Variants in CPQ observed in about 807,000 individuals in gnomAD.
CPQ encodes carboxypeptidase Q, also known as Ser-Met dipeptidase.
In CPQ, 37 loss-of-function variants were observed where a neutral mutation model predicts 45.7. That is an observed-to-expected ratio of 0.81 (90% confidence interval 0.62 to 1.07). The LOEUF is 1.07. Among genes scored for constraint, CPQ ranks in the 50% least tolerant of loss-of-function variants. The pLI is 0.00. For synonymous variants in CPQ, 186 were observed against 205.8 expected, an observed-to-expected ratio of 0.90 and a Z score of 0.82; for missense variants, 537 against 572.9, an observed-to-expected ratio of 0.94 and a Z score of 0.64.
At chr8:96,878,064 G>C (rs574433754) in intron 3 of CPQ, among the ~76,000 whole-genome samples, 2 of 152,108 alleles carry the variant, frequency 1.3e-5, no homozygotes, top group Non-Finnish European at 2.9e-5. Context: ...CTGGGTTCAA[G>C]TGATTCTCCT....
intron 6 of CPQ, among the ~76,000 whole-genome samples, chr8:97,051,164 C>T (rs915541586): frequency 1.3e-5 from 2 of 152,100 alleles, no homozygotes; most frequent in African/African-American, 4.8e-5. Flanking sequence ...ATAAAGCTAC[C>T]ATTTGCCCAA....
At chr8:96,872,722 A>G (rs1812088221) in intron 3 of CPQ, among the ~76,000 whole-genome samples, 1 of 151,886 alleles carries the variant, frequency 6.6e-6, no homozygotes, top group Non-Finnish European at 1.5e-5. Flanking sequence ...AAATTTTAAC[A>G]TACGGTAGAA....
rs184540388 is a variant in CPQ, at chr8:96,929,242, T to C, written c.850-36693T>C. 2.0e-5 allele frequency among the ~76,000 whole-genome samples: 3 copies of C among 152,286 alleles called. No individual in the cohort carries two copies. In the East Asian group the frequency reaches 5.8e-4, roughly 29 times the overall value. ...CCCTTTCAAAGGCAAAGGAATAGAA[T>C]GTATAACATTCCATTTTGTCAGCAT... On this transcript the variant is annotated intron_variant, in intron 4 of 7. Transcript: ENST00000220763.
chr8:96,900,693 C>G (rs758695964), intron 4 of CPQ, among the ~76,000 whole-genome samples: 1 of 152,100 alleles, frequency 6.6e-6, no homozygotes. Flanking sequence ...GAGCATTACT[C>G]TGACTCTTGG....
chr8:97,024,184 T>C (rs1295526211), intron 5 of CPQ, among the ~76,000 whole-genome samples: 1 of 152,140 alleles, frequency 6.6e-6, no homozygotes, highest in Non-Finnish European at 1.5e-5. Flanking sequence ...TTCCATGGCT[T>C]CCAGGACCTT....
chr8:96,872,943 TG>T (rs1188619197), intron 3 of CPQ, among the ~76,000 whole-genome samples: 1 of 151,916 alleles, frequency 6.6e-6, no homozygotes, highest in Non-Finnish European at 1.5e-5. Context: ...TATATTTTTA[TG>T]TTTAAGAGAA....
chr8:96,707,476 T>C (rs112380094), intron 1 of CPQ, among the ~76,000 whole-genome samples: 3,417 of 152,118 alleles, frequency 0.022, 144 homozygotes, highest in African/African-American at 0.078. Context: ...ATTTTTTTTT[T>C]CCTAACTCAT....
At chr8:96,967,936 CA>C (rs1242246892) in intron 5 of CPQ, among the ~76,000 whole-genome samples, 1 of 152,126 alleles carries the variant, frequency 6.6e-6, no homozygotes, top group Admixed American at 6.5e-5. Flanking sequence ...ATTAAATAAG[CA>C]GAGTATACTT....
chr8:96,726,434 T>G (rs1327301553), intron 1 of CPQ, among the ~76,000 whole-genome samples: 3 of 152,066 alleles, frequency 2.0e-5, no homozygotes. Context: ...TTCTGAAGGC[T>G]CTACAGGAGG....
At chr8:97,055,325 T>C (rs1810435437) in intron 6 of CPQ, among the ~76,000 whole-genome samples, 1 of 152,216 alleles carries the variant, frequency 6.6e-6, no homozygotes. Context: ...AAGCCATTGG[T>C]TGCACCACCT....
chr8:96,956,642 CA>C lies in CPQ; in HGVS notation c.850-9292del, dbSNP rs1813362398. On this transcript the variant is annotated intron_variant, in intron 4 of 7. Transcript: ENST00000220763. ...TTATATTAGATACAAAACTAGTTAA[CA>C]TGTCTAGTCTGGCATTTTTCCTCCA... Among the ~76,000 whole-genome samples, 2 of 152,054 alleles carry C rather than the reference CA, an allele frequency of 1.3e-5. 1 individual carries two copies. Among genetic ancestry groups the C allele is most frequent in the South Asian group, 4.1e-4 (2 of 4,826 alleles).
intron 1 of CPQ, among the ~76,000 whole-genome samples, chr8:96,676,993 A>G (rs956134736): frequency 5.3e-5 from 8 of 152,070 alleles, no homozygotes; most frequent in African/African-American, 1.9e-4. Context: ...ACTTGCTGCA[A>G]AGACCTGATT....
At chr8:96,664,894 C>A (rs541291011) in intron 1 of CPQ, among the ~76,000 whole-genome samples, 1 of 152,286 alleles carries the variant, frequency 6.6e-6, no homozygotes, top group African/African-American at 2.4e-5. Context: ...ATGAAGGAAA[C>A]ATAATTCACT....
At chr8:96,784,313 A>G (rs936068089) in intron 1 of CPQ, among the ~76,000 whole-genome samples, 3 of 151,280 alleles carry the variant, frequency 2.0e-5, no homozygotes, top group African/African-American at 7.3e-5. Context: ...AGTTTGTGGC[A>G]TCTAGTGGCT....
At chr8:96,663,881 G>A (rs1029089166) in intron 1 of CPQ, among the ~76,000 whole-genome samples, 4 of 152,054 alleles carry the variant, frequency 2.6e-5, no homozygotes, top group Non-Finnish European at 4.4e-5. Context: ...AGTGAGGAAG[G>A]CAATATTGGA....
intron 3 of CPQ, among the ~76,000 whole-genome samples, chr8:96,855,696 C>T (rs1249077238): frequency 1.3e-5 from 2 of 152,154 alleles, no homozygotes; most frequent in Admixed American, 6.5e-5. Flanking sequence ...CCTTCCCTCA[C>T]GCATCTTACT....
At chr8:96,769,321 A>C (rs1375986314) in intron 1 of CPQ, among the ~76,000 whole-genome samples, 1 of 152,160 alleles carries the variant, frequency 6.6e-6, no homozygotes, top group Non-Finnish European at 1.5e-5. Context: ...GGACCTCAGA[A>C]TCACTCATTC....
chr8:96,687,773 G>A (rs906253425), intron 1 of CPQ, among the ~76,000 whole-genome samples: 2 of 152,008 alleles, frequency 1.3e-5, no homozygotes, highest in Non-Finnish European at 2.9e-5. Flanking sequence ...TATCCTGATA[G>A]TAGATTATTT....
chr8:96,728,321 T>C (rs995062897), intron 1 of CPQ, among the ~76,000 whole-genome samples: 17 of 152,202 alleles, frequency 1.1e-4, no homozygotes, highest in African/African-American at 3.9e-4. Flanking sequence ...GATTTTATTA[T>C]TTAATGGCTC....
Sources: gnomAD v4.1 joint callset for allele counts (sites outside exome capture counted in the v4.1 genomes callset) on GRCh38, gnomAD v4.1.1 for gene constraint, MANE v1.5 for transcripts, NCBI Gene and HGNC (gene_info 2026-07-23, HGNC 2026-07-21) for gene names.